The following KIAA0825 variants were observed in gnomAD, a reference collection of about 807,000 sequenced individuals.
The protein encoded by KIAA0825 is uncharacterized protein KIAA0825.
A neutral mutation model predicts 147.6 loss-of-function variants in KIAA0825; 119 were observed. The ratio of observed to expected loss-of-function variants is 0.81; its 90% CI spans 0.69 to 0.94. The LOEUF (loss-of-function observed/expected upper bound fraction) is 0.94, where lower values mean the gene tolerates loss of function less well. KIAA0825 is among the 40% of genes least tolerant of loss of function. The pLI is 0.00. For synonymous variants in KIAA0825, 470 were observed against 518.1 expected (o/e 0.91, Z 1.26); for missense variants, 1,381 against 1,472.7 (o/e 0.94, Z 1.02).
rs180736174 is a variant in KIAA0825 at position 94,224,609 on chromosome 5, T to C, written c.3711-70485A>G. ...ATGAGGTGATGACTATAAATGTTTT[T>C]GATAATTAAGGATTCGTTGTATATA... On this transcript the variant is annotated intron_variant, in intron 20 of 20. Transcript: ENST00000682413. 2.2e-4 allele frequency among the ~76,000 whole-genome samples: 34 copies of C among 152,304 alleles called. No individual in the cohort carries two copies. In the East Asian group the frequency reaches 6.2e-3, roughly 28 times the overall value.
At chr5:94,502,982 G>A (rs915324220) in intron 5 of KIAA0825, among the ~76,000 whole-genome samples, 5 of 151,342 alleles carry the variant, frequency 3.3e-5, no homozygotes, top group East Asian at 1.9e-4. Flanking sequence ...GGTGGTGGGC[G>A]CCCGTAATCC....
intron 20 of KIAA0825, among the ~76,000 whole-genome samples, chr5:94,266,114 CAT>C (rs1472374441): frequency 2.0e-5 from 3 of 152,112 alleles, no homozygotes; most frequent in Admixed American, 6.5e-5. Context: ...CTGAAATTAA[CAT>C]AGTAAAACTG....
At chr5:94,536,638 T>C (rs1446331758) in intron 3 of KIAA0825, among the ~76,000 whole-genome samples, 1 of 152,198 alleles carries the variant, frequency 6.6e-6, no homozygotes, top group African/African-American at 2.4e-5. Flanking sequence ...GCAAAAATAA[T>C]TTATTTTAAT....
intron 5 of KIAA0825, among the ~76,000 whole-genome samples, chr5:94,494,834 T>G (rs1007661067): frequency 6.6e-6 from 1 of 152,186 alleles, no homozygotes; most frequent in Non-Finnish European, 1.5e-5. Flanking sequence ...TTATATTTCA[T>G]TTTTTAAAGG....
Position 94,153,439 on chromosome 5 carries a change from G to A in KIAA0825, c.*568C>T, listed in dbSNP as rs1253799629. The A allele has an allele frequency of 6.6e-6, 1 of 152,054 alleles. No homozygotes were observed. The highest frequency in any genetic ancestry group is 2.4e-5 in the African/African-American group (1 of 41,406). 9.4% of individuals were successfully genotyped at this position (152,054 alleles called of 1,614,324 possible). A position where few individuals can be genotyped will look rare whatever the true frequency, so the allele number is the denominator to read the frequency against. On this transcript the variant is annotated 3_prime_UTR_variant, in exon 21 of 21. Coordinates refer to ENST00000682413, the MANE Select transcript of KIAA0825 (RefSeq NM_001145678.3). Reference sequence around the variant, plus strand: ...TTGATTCTGGTTTAGGAGGAAGACTGAAAACCACTACAAGCAGAGGTGTGA... The same window carrying A: ...TTGATTCTGGTTTAGGAGGAAGACTAAAAACCACTACAAGCAGAGGTGTGA...
chr5:94,265,056 T>A (rs1374334364), intron 20 of KIAA0825, among the ~76,000 whole-genome samples: 10 of 152,138 alleles, frequency 6.6e-5, no homozygotes, highest in Non-Finnish European at 1.5e-4. Flanking sequence ...GTGCTGGGAT[T>A]ACAGGTATGA....
intron 20 of KIAA0825, among the ~76,000 whole-genome samples, chr5:94,374,970 T>A (rs1433250464): frequency 6.6e-6 from 1 of 152,004 alleles, no homozygotes; most frequent in African/African-American, 2.4e-5. Flanking sequence ...AATATCTGGA[T>A]CACGCTGTCT....
At chr5:94,556,040 T>TATGAG (rs1332721598) in intron 2 of KIAA0825, among the ~76,000 whole-genome samples, 1 of 151,618 alleles carries the variant, frequency 6.6e-6, no homozygotes, top group East Asian at 1.9e-4. Flanking sequence ...AAATACAGTT[T>TATGAG]ATGAGACATC....
At chr5:94,238,103 G>A (rs1158567127) in intron 20 of KIAA0825, among the ~76,000 whole-genome samples, 1 of 152,118 alleles carries the variant, frequency 6.6e-6, no homozygotes, top group African/African-American at 2.4e-5. Context: ...GCACACTGAA[G>A]GATTTCTGGA....
chr5:94,517,967 G>A (rs922057137), intron 5 of KIAA0825, among the ~76,000 whole-genome samples: 15 of 152,024 alleles, frequency 9.9e-5, no homozygotes, highest in Non-Finnish European at 1.3e-4. Flanking sequence ...TTTCCTCACT[G>A]TAAAATGGAG....
chr5:94,268,666 T>G (rs1776846781), intron 20 of KIAA0825, among the ~76,000 whole-genome samples: 1 of 152,178 alleles, frequency 6.6e-6, no homozygotes, highest in Non-Finnish European at 1.5e-5. Context: ...GGTCATGCTC[T>G]GCCTATCTAT....
At chr5:94,298,967 T>G (rs1305904683) in intron 20 of KIAA0825, among the ~76,000 whole-genome samples, 1 of 152,164 alleles carries the variant, frequency 6.6e-6, no homozygotes, top group African/African-American at 2.4e-5. Flanking sequence ...TAACCCTCAA[T>G]TCGCACTGTG....
chr5:94,278,030 C>T (rs1777296992), intron 20 of KIAA0825, among the ~76,000 whole-genome samples: 1 of 152,136 alleles, frequency 6.6e-6, no homozygotes, highest in African/African-American at 2.4e-5. Context: ...CCAAACACCA[C>T]ATGTTCTCAC....
chr5:94,459,046 G>A (rs368677932), intron 12 of KIAA0825, among the ~76,000 whole-genome samples: 5 of 151,958 alleles, frequency 3.3e-5, no homozygotes, highest in East Asian at 3.9e-4. Flanking sequence ...TGCCTATTCC[G>A]GACATTTCTA....
chr5:94,243,168 C>A (rs931850131), intron 20 of KIAA0825, among the ~76,000 whole-genome samples: 2 of 152,204 alleles, frequency 1.3e-5, no homozygotes, highest in African/African-American at 4.8e-5. Context: ...ACACTTAGAA[C>A]AATGCCTGGC....
intron 3 of KIAA0825, among the ~76,000 whole-genome samples, chr5:94,533,789 A>G (rs910149658): frequency 6.6e-6 from 1 of 152,214 alleles, no homozygotes; most frequent in Non-Finnish European, 1.5e-5. Context: ...CATCATCACT[A>G]ATTTCTGCTG....
intron 1 of KIAA0825, among the ~76,000 whole-genome samples, chr5:94,604,279 T>C (rs1246354333): frequency 1.3e-5 from 2 of 152,134 alleles, no homozygotes; most frequent in African/African-American, 2.4e-5. Context: ...AATTCACTTA[T>C]GGTGGTTCAT....
chr5:94,261,805 ATC>A (rs1776506062), intron 20 of KIAA0825, among the ~76,000 whole-genome samples: 1 of 151,938 alleles, frequency 6.6e-6, no homozygotes, highest in Non-Finnish European at 1.5e-5. Flanking sequence ...GTTCATTTCC[ATC>A]TATTCCCACT....
chr5:94,169,190 A>C (rs560843298), intron 20 of KIAA0825, among the ~76,000 whole-genome samples: 31 of 152,360 alleles, frequency 2.0e-4, no homozygotes, highest in African/African-American at 6.7e-4. Context: ...GCCTGTTTAC[A>C]ATTCTGTCAT....
Sources: allele counts gnomAD v4.1 joint callset (sites outside exome capture counted in the v4.1 genomes callset), GRCh38; gene constraint gnomAD v4.1.1; transcripts MANE v1.5; gene names NCBI Gene and HGNC (gene_info 2026-07-23, HGNC 2026-07-21).